Variants in PIGN observed in about 807,000 individuals in gnomAD.
PIGN encodes phosphatidylinositol glycan anchor biosynthesis class N, also known as GPI ethanolamine phosphate transferase 1.
PIGN carries 117 observed loss-of-function variants against 125.4 expected under a neutral mutation model. The observed-to-expected ratio is 0.93, with a 90% CI of 0.80 to 1.09. PIGN has a LOEUF of 1.09. PIGN is among the 50% of genes least tolerant of loss of function. The pLI is 0.00. For missense variants in PIGN, 1,075 were observed against 1,094.9 expected (o/e 0.98, Z 0.26); for synonymous variants, 392 against 377.8 (o/e 1.04, Z -0.44).
Position 62,132,072 on chromosome 18 carries a change from T to A in PIGN, c.1172+6171A>T, listed in dbSNP as rs1312212739. On this transcript the variant is annotated intron_variant, in intron 14 of 30. Coordinates refer to ENST00000640252, the MANE Select transcript of PIGN (RefSeq NM_176787.5). ...TACACAATAGTTTGTGAAAAGAACC[T>A]GGGTTATCTTTTTTGCTAAAAGCAT... Among the ~76,000 whole-genome samples, 6 of 152,164 alleles carry A rather than the reference T, an allele frequency of 3.9e-5. 1 individual carries two copies. The East Asian group carries it at 1.2e-3, about 29-fold the overall frequency.
At chr18:62,090,622 A>C (rs771263393) in intron 23 of PIGN, 44 bp from the exon 24 acceptor site, 4 of 1,109,356 alleles carry the variant, frequency 3.6e-6, no homozygotes, top group Non-Finnish European at 5.4e-6. Context: ...AAAAACAGTA[A>C]AATAAGTAAA....
chr18:62,158,189 T>C (rs566870668), intron 4 of PIGN, among the ~76,000 whole-genome samples: 81 of 152,306 alleles, frequency 5.3e-4, no homozygotes, highest in African/African-American at 1.9e-3. Flanking sequence ...TTAAGAGATA[T>C]AGGCTGAAGT....
At chr18:62,026,435 T>A in intron 23 of PIGN, among the ~76,000 whole-genome samples, 1 of 152,118 alleles carries the variant, frequency 6.6e-6, no homozygotes, top group Non-Finnish European at 1.5e-5. Flanking sequence ...CAAGAACAGG[T>A]GAAAATTTCA....
chr18:62,154,078 A>G (rs1283964672), intron 7 of PIGN: 1 of 156,308 alleles, frequency 6.4e-6, no homozygotes, highest in Non-Finnish European at 1.4e-5. Flanking sequence ...GATTTTTATT[A>G]TGATCAATTT....
chr18:62,107,976 T>C (rs1008488729), intron 17 of PIGN, among the ~76,000 whole-genome samples: 3 of 152,204 alleles, frequency 2.0e-5, no homozygotes, highest in African/African-American at 7.2e-5. Context: ...ACTTTTTACA[T>C]TTCATCACTA....
chr18:62,054,968 A>G (rs2043400390), intron 30 of PIGN, among the ~76,000 whole-genome samples: 1 of 152,222 alleles, frequency 6.6e-6, no homozygotes, highest in Non-Finnish European at 1.5e-5. Flanking sequence ...ATCATTAACT[A>G]TTATGCAAGT....
intron 14 of PIGN, chr18:62,136,791 T>C (rs2035950019): frequency 3.0e-6 from 1 of 337,500 alleles, no homozygotes; most frequent in African/African-American, 2.1e-5. Flanking sequence ...GCTAATTGAA[T>C]GTGAACCTCA....
intron 1 of PIGN, among the ~76,000 whole-genome samples, chr18:62,174,937 AAAC>A (rs5825482): frequency 0.41 from 60,425 of 148,532 alleles, 12,950 homozygotes; most frequent in East Asian, 0.77. Flanking sequence ...GAGGATCTGA[AAAC>A]AACTCCCCTA....
intron 1 of PIGN, among the ~76,000 whole-genome samples, chr18:62,176,758 C>G (rs55860048): frequency 2.0e-5 from 3 of 151,716 alleles, no homozygotes; most frequent in Non-Finnish European, 4.4e-5. Context: ...CAAGGGAAAC[C>G]GGATGAGAAA....
chr18:62,081,143 A>T (rs2033430403), intron 28 of PIGN, among the ~76,000 whole-genome samples: 3 of 152,282 alleles, frequency 2.0e-5, no homozygotes, highest in African/African-American at 7.2e-5. Flanking sequence ...TTATAGACCT[A>T]ATAAACAAAT....
At chr18:62,107,917 G>A (rs982942939) in intron 17 of PIGN, among the ~76,000 whole-genome samples, 50 of 151,982 alleles carry the variant, frequency 3.3e-4, no homozygotes, top group Non-Finnish European at 1.2e-4. Flanking sequence ...GTACACTAAC[G>A]GTAATCAAGT....
intron 7 of PIGN, among the ~76,000 whole-genome samples, chr18:62,151,458 C>T (rs1196607224): frequency 6.6e-6 from 1 of 152,144 alleles, no homozygotes; most frequent in Admixed American, 6.5e-5. Context: ...GGGCACTCCA[C>T]CAGAAAAGGA....
At chr18:62,146,563 CT>C (rs1477237249) in intron 9 of PIGN, among the ~76,000 whole-genome samples, 1 of 152,172 alleles carries the variant, frequency 6.6e-6, no homozygotes, top group Non-Finnish European at 1.5e-5. Context: ...TTATTTTGTT[CT>C]CTGTGCACAC....
At chr18:62,121,838 C>A (rs1264540901) in intron 14 of PIGN, among the ~76,000 whole-genome samples, 2 of 152,074 alleles carry the variant, frequency 1.3e-5, no homozygotes, top group Non-Finnish European at 2.9e-5. Flanking sequence ...CACGGGAGTG[C>A]AGATTATCTC....
At chr18:62,112,468 A>T (rs2034917330) in intron 16 of PIGN, 1 of 152,194 alleles carries the variant, frequency 6.6e-6, no homozygotes, top group African/African-American at 2.4e-5. Flanking sequence ...AATATATTTT[A>T]AAAGAGTAAA....
intron 7 of PIGN, among the ~76,000 whole-genome samples, chr18:62,153,293 A>T (rs2036604105): frequency 6.6e-6 from 1 of 152,192 alleles, no homozygotes; most frequent in Non-Finnish European, 1.5e-5. Flanking sequence ...ACCAATGCTG[A>T]TGACTTCATA....
At chr18:62,157,837 C>T (rs2036796782) in intron 4 of PIGN, 29 bp from the exon 5 acceptor site, 1 of 1,580,864 alleles carries the variant, frequency 6.3e-7, no homozygotes, top group East Asian at 2.3e-5. Flanking sequence ...AAATAGTTAA[C>T]ACAGACTATG....
intron 30 of PIGN, among the ~76,000 whole-genome samples, chr18:62,057,403 T>C (rs2031809789): frequency 1.3e-5 from 2 of 152,156 alleles, no homozygotes; most frequent in Non-Finnish European, 2.9e-5. Context: ...ATTCTTTTTT[T>C]CTCCCAGTAT....
chr18:62,088,237 G>C (rs1469302557), intron 25 of PIGN, among the ~76,000 whole-genome samples: 1 of 152,154 alleles, frequency 6.6e-6, no homozygotes, highest in African/African-American at 2.4e-5. Context: ...TAGTCAGTCA[G>C]CCTTTCCAAA....
Sources: allele counts gnomAD v4.1 joint callset (sites outside exome capture counted in the v4.1 genomes callset), GRCh38; gene constraint gnomAD v4.1.1; transcripts MANE v1.5; gene names NCBI Gene and HGNC (gene_info 2026-07-23, HGNC 2026-07-21).